Variants in CCDC91 observed in about 807,000 individuals in gnomAD.
CCDC91 encodes the protein coiled-coil domain-containing protein 91.
In CCDC91, 48 loss-of-function variants were observed where a neutral mutation model predicts 63.2. The ratio of observed to expected loss-of-function variants is 0.76; its 90% CI spans 0.60 to 0.97. The LOEUF (loss-of-function observed/expected upper bound fraction) is 0.97. Among genes scored for constraint, CCDC91 ranks in the 50% least tolerant of loss-of-function variants. CCDC91 has a pLI of 0.00. For synonymous variants in CCDC91, 167 were observed against 165.8 expected (o/e 1.01, Z -0.06); for missense variants, 500 against 494.6 (o/e 1.01, Z -0.10).
chr12:28,329,498 T>C (rs1941311477), intron 6 of CCDC91, among the ~76,000 whole-genome samples: 1 of 152,160 alleles, frequency 6.6e-6, no homozygotes, highest in South Asian at 2.1e-4. Flanking sequence ...AAGGTCTACA[T>C]ATACTTGAGA....
rs116852715 is a variant in CCDC91 at position 28,310,155 on chromosome 12, A to G, written c.576+2406A>G. Among the ~76,000 whole-genome samples the G allele has an allele frequency of 7.2e-4, 110 of 152,170 alleles. No homozygotes were observed. In the East Asian group the frequency reaches 0.02, roughly 28 times the overall value. ...CCTCATCCTTGGAACTATGGTGCTGATTAAAAGGCATAGTACTGAATAATG... is the reference window on the plus strand; with the variant it reads ...CCTCATCCTTGGAACTATGGTGCTGGTTAAAAGGCATAGTACTGAATAATG... On this transcript the variant is annotated intron_variant, in intron 6 of 12. Coordinates refer to ENST00000536442, the MANE Select transcript of CCDC91 (RefSeq NM_018318.5).
At chr12:28,460,262 T>C (rs1388711903) in intron 11 of CCDC91, among the ~76,000 whole-genome samples, 1 of 152,112 alleles carries the variant, frequency 6.6e-6, no homozygotes, top group Non-Finnish European at 1.5e-5. Context: ...ATCACATTGT[T>C]TGCGTACTAG....
intron 8 of CCDC91, among the ~76,000 whole-genome samples, chr12:28,441,929 G>A (rs1310909179): frequency 6.6e-6 from 1 of 151,790 alleles, no homozygotes; most frequent in Non-Finnish European, 1.5e-5. Flanking sequence ...GCTAAGATTT[G>A]TGTATTTTCA....
rs188680479 is a variant in CCDC91 at position 28,408,746 on chromosome 12, A to G, written c.762+17335A>G. 2.0e-5 allele frequency among the ~76,000 whole-genome samples: 3 copies of G among 152,028 alleles called. No homozygotes were observed. In the East Asian group the frequency reaches 5.8e-4, roughly 30 times the overall value. Reference sequence around the variant, plus strand: ...CAACCTCTGCCTCCTGGGTTCATGCAATTCTCTTGCCTCAGCTTCCCAAGT... The same window carrying G: ...CAACCTCTGCCTCCTGGGTTCATGCGATTCTCTTGCCTCAGCTTCCCAAGT... On this transcript the variant is annotated intron_variant, in intron 8 of 12. Transcript: ENST00000536442.
At position 28,268,749 on chromosome 12, in the gene CCDC91, T is replaced by G. The variant is rs971800089; in HGVS notation, c.109+9307T>G. The G allele has an allele frequency of 9.9e-6, 8 of 810,664 alleles. No individual in the cohort carries two copies. In the South Asian group the frequency reaches 3.4e-4, roughly 34 times the overall value. The allele number at this position is 810,664 out of a possible 1,614,324, so 50.2% of individuals were successfully genotyped here. ...ATGGCATGGGGAAGGGAGGAGGGAG[T>G]AGATTTTACCTAAAATCTACTGTGG... On this transcript the variant is annotated intron_variant, in intron 3 of 12. Transcript: ENST00000536442.
intron 12 of CCDC91, among the ~76,000 whole-genome samples, chr12:28,540,208 T>C (rs1381769654): frequency 6.6e-6 from 1 of 152,158 alleles, no homozygotes; most frequent in Non-Finnish European, 1.5e-5. Context: ...GTCTGTTGTT[T>C]TCATACATAG....
At chr12:28,244,582 A>G (rs924701981) in intron 1 of CCDC91, among the ~76,000 whole-genome samples, 5 of 123,060 alleles carry the variant, frequency 4.1e-5, no homozygotes, top group African/African-American at 1.5e-4. Flanking sequence ...TGAACACTGG[A>G]GGTGACTTGC....
intron 12 of CCDC91, 27 bp downstream of exon 12, chr12:28,484,192 T>C: frequency 7.5e-7 from 1 of 1,329,106 alleles, no homozygotes; most frequent in East Asian, 2.4e-5. Context: ...GAGTTTTAAT[T>C]TGTGCTTCAA....
chr12:28,517,280 T>C (rs1210702096), intron 12 of CCDC91, among the ~76,000 whole-genome samples: 1 of 151,980 alleles, frequency 6.6e-6, no homozygotes, highest in Admixed American at 6.6e-5. Context: ...GCCAAAAGCT[T>C]GAACTGAAAA....
At chr12:28,506,298 T>C (rs1938705071) in intron 12 of CCDC91, among the ~76,000 whole-genome samples, 2 of 151,906 alleles carry the variant, frequency 1.3e-5, no homozygotes, top group Admixed American at 1.3e-4. Context: ...TTAACAGTGC[T>C]CTCATAATGA....
chr12:28,383,736 G>A (rs992747933), intron 7 of CCDC91, among the ~76,000 whole-genome samples: 3 of 152,040 alleles, frequency 2.0e-5, no homozygotes, highest in Non-Finnish European at 4.4e-5. Flanking sequence ...ATCATCTCTT[G>A]ATGATAGATT....
chr12:28,519,940 G>T (rs1464823471), intron 12 of CCDC91, among the ~76,000 whole-genome samples: 1 of 151,824 alleles, frequency 6.6e-6, no homozygotes, highest in African/African-American at 2.4e-5. Flanking sequence ...TGGTGTATAT[G>T]ATGTGCCACA....
Position 28,305,692 on chromosome 12 carries a change from G to T in CCDC91, c.153G>T (p.Leu51=), listed in dbSNP as rs141221873. The T allele has an allele frequency of 3.1e-6, 5 of 1,613,024 alleles. No individual in the cohort carries two copies. In the African/African-American group the frequency reaches 5.3e-5, roughly 17 times the overall value. The change falls in exon 4 of 13, where the codon CTG becomes CTT. Residue 51 remains leucine, a synonymous_variant. Transcript: ENST00000536442. ...HLSPSSPEIV[L]DRDHSSSIGC... is the part of the protein sequence containing the mutation. ...CACCATCTTCTCCTGAGATTGTACTGGACCGTGACCACTCTTCTTCCATTG... is the reference window on the plus strand; with the variant it reads ...CACCATCTTCTCCTGAGATTGTACTTGACCGTGACCACTCTTCTTCCATTG...
intron 6 of CCDC91, among the ~76,000 whole-genome samples, chr12:28,337,606 GTTT>G (rs1942085663): frequency 6.6e-6 from 1 of 151,334 alleles, no homozygotes; most frequent in African/African-American, 2.4e-5. Flanking sequence ...CTTTAAATTG[GTTT>G]TATGAAAGTT....
In CCDC91 at chr12:28,233,073, A is replaced by G. The variant is rs60263874; in HGVS notation, c.-14-24129A>G. Among the ~76,000 whole-genome samples, 1,320 of 151,926 alleles carry G rather than the reference A, an allele frequency of 8.7e-3. 18 individuals are homozygous for G. Among genetic ancestry groups the G allele is most frequent in the African/African-American group, 0.03 (1,227 of 41,424 alleles). The stretch of plus-strand genomic sequence containing the variant: ...AAGTCTTTTTTTTCCCCAACCCTCC[A>G]TTAAAAAAATTAATGTGTAATTTAC... On this transcript the variant is annotated intron_variant, in intron 1 of 12. Transcript: ENST00000536442.
chr12:28,457,819 T>C (rs1950121072), intron 11 of CCDC91, among the ~76,000 whole-genome samples: 1 of 152,028 alleles, frequency 6.6e-6, no homozygotes, highest in African/African-American at 2.4e-5. Context: ...TAATTCTGGG[T>C]CACTTAAAAG....
Position 28,330,463 on chromosome 12 carries a change from GT to G in CCDC91, c.576+22725del, listed in dbSNP as rs768513988. On this transcript the variant is annotated intron_variant, in intron 6 of 12. Transcript: ENST00000536442. The stretch of plus-strand genomic sequence containing the variant: ...CTGTCGCCCACTTTTTGATGGGGTT[GT>G]TTTTTTTTTTGTAAATTTGTTTGAG... 1.1e-3 allele frequency among the ~76,000 whole-genome samples: 164 copies of G among 143,668 alleles called. 2 individuals are homozygous for G. Among genetic ancestry groups the G allele is most frequent in the African/African-American group, 3.3e-3 (131 of 39,432 alleles). The allele number at this position is 143,668 out of a possible 152,430, so 94.3% of individuals were successfully genotyped here. A position where few individuals can be genotyped will look rare whatever the true frequency, so the allele number is the denominator to read the frequency against.
intron 1 of CCDC91, among the ~76,000 whole-genome samples, chr12:28,202,788 C>T (rs543163957): frequency 6.6e-6 from 1 of 152,214 alleles, no homozygotes; most frequent in Non-Finnish European, 1.5e-5. Flanking sequence ...TATGTTGGAT[C>T]TTATCAAAAT....
chr12:28,425,024 A>G (rs1382028032), intron 8 of CCDC91, among the ~76,000 whole-genome samples: 1 of 152,174 alleles, frequency 6.6e-6, no homozygotes, highest in Non-Finnish European at 1.5e-5. Context: ...TGAGGAGTCC[A>G]GATCCTGGTT....
Sources: gnomAD v4.1 joint callset for allele counts (sites outside exome capture counted in the v4.1 genomes callset) on GRCh38, gnomAD v4.1.1 for gene constraint, MANE v1.5 for transcripts, NCBI Gene and HGNC (gene_info 2026-07-23, HGNC 2026-07-21) for gene names.